SOX5: variants seen among roughly 807,000 people sequenced by gnomAD.
SOX5 encodes the protein SRY-box transcription factor 5.
SOX5 carries 9 observed loss-of-function variants against 92.0 expected under a neutral mutation model. The ratio of observed to expected loss-of-function variants is 0.10; its 90% confidence interval spans 0.06 to 0.17. SOX5 has a LOEUF of 0.17. SOX5 is among the 10% of genes least tolerant of loss of function. The pLI is 1.00. For synonymous variants in SOX5, 344 were observed against 336.3 expected (o/e 1.02, Z -0.25); for missense variants, 642 against 944.5 (o/e 0.68, Z 4.20).
chr12:23,559,910 G>A (rs1702936502), intron 11 of SOX5, among the ~76,000 whole-genome samples: 1 of 151,742 alleles, frequency 6.6e-6, no homozygotes, highest in Non-Finnish European at 1.5e-5. Flanking sequence ...AGTTAGGAGT[G>A]TTATTATTAT....
At chr12:23,609,136 T>C (rs1157596256) in intron 8 of SOX5, among the ~76,000 whole-genome samples, 1 of 152,132 alleles carries the variant, frequency 6.6e-6, no homozygotes, top group African/African-American at 2.4e-5. Context: ...AGAGCAGGAA[T>C]GAGCTAGTTG....
chr12:24,114,202 C>T (rs886534077), intron 4 of SOX5, among the ~76,000 whole-genome samples: 45 of 151,606 alleles, frequency 3.0e-4, no homozygotes, highest in African/African-American at 1.0e-3. Flanking sequence ...AAAGGAGAGA[C>T]AAAATTTTCA....
At chr12:24,297,268 A>T (rs1947376771) in intron 2 of SOX5, among the ~76,000 whole-genome samples, 1 of 152,216 alleles carries the variant, frequency 6.6e-6, no homozygotes, top group African/African-American at 2.4e-5. Context: ...AGAGCACAGC[A>T]CTTATGGGTT....
intron 4 of SOX5, among the ~76,000 whole-genome samples, chr12:24,000,879 TAA>T (rs980671454): frequency 1.3e-5 from 2 of 152,092 alleles, no homozygotes; most frequent in Non-Finnish European, 2.9e-5. Flanking sequence ...ACAGAAATCC[TAA>T]AAGAGTTAGG....
intron 2 of SOX5, among the ~76,000 whole-genome samples, chr12:24,334,704 A>G (rs1951696416): frequency 6.6e-6 from 1 of 152,176 alleles, no homozygotes; most frequent in African/African-American, 2.4e-5. Context: ...ATACAGATAT[A>G]ATTTACAGCA....
At chr12:23,700,339 T>A (rs1174591900) in intron 6 of SOX5, among the ~76,000 whole-genome samples, 1 of 152,174 alleles carries the variant, frequency 6.6e-6, no homozygotes, top group Non-Finnish European at 1.5e-5. Context: ...GTAGCCCAGC[T>A]TTTGTGTTAG....
At chr12:23,817,300 G>A (rs1273777856) in intron 3 of SOX5, among the ~76,000 whole-genome samples, 1 of 152,084 alleles carries the variant, frequency 6.6e-6, no homozygotes, top group African/African-American at 2.4e-5. Context: ...TCTTTCTGCT[G>A]GTAGTAAAAC....
At chr12:24,135,204 C>G (rs1038158412) in intron 4 of SOX5, among the ~76,000 whole-genome samples, 2 of 152,162 alleles carry the variant, frequency 1.3e-5, no homozygotes, top group Non-Finnish European at 2.9e-5. Flanking sequence ...ACCACCCTAG[C>G]CTAAATTATG....
chr12:24,472,939 T>G (rs1944963849), intron 1 of SOX5, among the ~76,000 whole-genome samples: 1 of 152,164 alleles, frequency 6.6e-6, no homozygotes, highest in African/African-American at 2.4e-5. Context: ...TCACTCATTC[T>G]GCAGTACAAA....
At chr12:23,950,735 G>A, upstream of SOX5, 1 of 774,156 alleles carries the variant, frequency 1.3e-6, no homozygotes, top group Middle Eastern at 2.3e-4. Context: ...ATTCTAAGCT[G>A]GCTGGCAAGG....
At chr12:24,049,475 C>A (rs1957343661) in intron 4 of SOX5, among the ~76,000 whole-genome samples, 1 of 152,138 alleles carries the variant, frequency 6.6e-6, no homozygotes, top group Non-Finnish European at 1.5e-5. Flanking sequence ...GAATTCCCTG[C>A]ACATTCAGTT....
At chr12:23,928,488 G>A (rs909326467) in intron 1 of SOX5, among the ~76,000 whole-genome samples, 3 of 151,782 alleles carry the variant, frequency 2.0e-5, no homozygotes, top group Admixed American at 6.6e-5. Context: ...GAATTTCTAA[G>A]CATATAAAAA....
At chr12:23,695,146 ACATTT>A (rs1228395743) in intron 6 of SOX5, among the ~76,000 whole-genome samples, 1 of 151,836 alleles carries the variant, frequency 6.6e-6, no homozygotes, top group Admixed American at 6.6e-5. Flanking sequence ...AATTGAACAT[ACATTT>A]GTGTGTGTAT....
rs765326703 is a variant in SOX5, at chr12:23,976,021, ATT to A, written c.-1-79999_-1-79998del. Among the ~76,000 whole-genome samples, 12 of 152,298 alleles carry A rather than the reference ATT, an allele frequency of 7.9e-5. No individual in the cohort carries two copies. The East Asian group carries it at 1.7e-3, about 22-fold the overall frequency. On this transcript the variant is annotated intron_variant, in intron 4 of 4. Coordinates refer to the SOX5 transcript ENST00000446891. The stretch of plus-strand genomic sequence containing the variant: ...AACACCACAATGAGCAAAAAGAAAT[ATT>A]TTATGTATAATATAAATGTACAAAT...
chr12:23,913,034 G>C (rs1326115016), intron 1 of SOX5, among the ~76,000 whole-genome samples: 1 of 152,100 alleles, frequency 6.6e-6, no homozygotes, highest in African/African-American at 2.4e-5. Context: ...AAACTACAAA[G>C]CACACATTAT....
chr12:23,995,846 A>C (rs1447727471), intron 4 of SOX5, among the ~76,000 whole-genome samples: 1 of 152,220 alleles, frequency 6.6e-6, no homozygotes, highest in Non-Finnish European at 1.5e-5. Flanking sequence ...CTGGATACCA[A>C]AGTGGACATT....
chr12:24,535,955 C>T lies in SOX5; in HGVS notation c.-251+26374G>A, dbSNP rs1293676896. On this transcript the variant is annotated intron_variant, in intron 1 of 4. Coordinates refer to the SOX5 transcript ENST00000446891. ...ACCAAAAGAATCACAGAAAGTCTCT[C>T]AGTAGCACTTTGCTTCTCAGCAGGA... Among the ~76,000 whole-genome samples, 4 of 152,204 alleles carry T rather than the reference C, an allele frequency of 2.6e-5. No individual in the cohort carries two copies. In the East Asian group the frequency reaches 7.7e-4, roughly 29 times the overall value.
At chr12:24,510,485 A>G (rs1949204352) in intron 1 of SOX5, among the ~76,000 whole-genome samples, 2 of 152,206 alleles carry the variant, frequency 1.3e-5, no homozygotes, top group African/African-American at 4.8e-5. Context: ...TTAAACAACT[A>G]AAGGAGGGTT....
intron 6 of SOX5, among the ~76,000 whole-genome samples, chr12:23,699,535 T>G (rs1362423874): frequency 6.6e-6 from 1 of 152,218 alleles, no homozygotes; most frequent in Non-Finnish European, 1.5e-5. Flanking sequence ...TTGTGTGGTT[T>G]CATTGTTTCC....
Sources: gnomAD v4.1 joint callset for allele counts (sites outside exome capture counted in the v4.1 genomes callset) on GRCh38, gnomAD v4.1.1 for gene constraint, MANE v1.5 for transcripts, NCBI Gene and HGNC (gene_info 2026-07-23, HGNC 2026-07-21) for gene names.